Variants in ABHD12 observed in about 807,000 individuals in gnomAD.
The protein encoded by ABHD12 is abhydrolase domain containing 12, lysophospholipase.
ABHD12 carries 43 observed loss-of-function variants against 58.3 expected under a neutral mutation model. The ratio of observed to expected loss-of-function variants is 0.74; its 90% CI spans 0.58 to 0.95. The LOEUF (loss-of-function observed/expected upper bound fraction) is 0.95, where lower values mean the gene tolerates loss of function less well. Ranked by LOEUF, ABHD12 falls within the 40% of genes least tolerant of loss-of-function variation. ABHD12 has a pLI of 0.00. For missense variants in ABHD12, 539 were observed against 537.2 expected (o/e 1.00, Z -0.03); for synonymous variants, 219 against 211.2 (o/e 1.04, Z -0.32).
At position 25,390,835 on chromosome 20, in the gene ABHD12, C is replaced by A; in HGVS notation, c.-132G>T. 1 of 562,858 alleles carries A rather than the reference C, an allele frequency of 1.8e-6. No individual in the cohort carries two copies. Among genetic ancestry groups the A allele is most frequent in the Non-Finnish European group, 2.5e-6 (1 of 401,768 alleles). The allele number at this position is 562,858 out of a possible 1,614,324, so 34.9% of individuals were successfully genotyped here. On this transcript the variant is annotated 5_prime_UTR_variant, in exon 1 of 13. Transcript: ENST00000339157. ...CCTCACATCCCAGCCCAGGCCGCTG[C>A]GCCGGCTACGAACCAGCGGCGGGGG... is the stretch of plus-strand genomic sequence containing the variant.
At chr20:25,358,268 T>C (rs984302774) in intron 1 of ABHD12, among the ~76,000 whole-genome samples, 1 of 152,184 alleles carries the variant, frequency 6.6e-6, no homozygotes, top group Non-Finnish European at 1.5e-5. Flanking sequence ...AAGAAGCCAA[T>C]TGTCCATCAA....
chr20:25,334,455 T>A (rs1220768659), intron 2 of ABHD12, among the ~76,000 whole-genome samples: 62 of 149,412 alleles, frequency 4.1e-4, no homozygotes, highest in Middle Eastern at 3.4e-3. Context: ...AAAAAACTAC[T>A]TTAAAGTTCA....
chr20:25,311,171 C>A (rs559882537), intron 6 of ABHD12, among the ~76,000 whole-genome samples: 1 of 152,298 alleles, frequency 6.6e-6, no homozygotes, highest in East Asian at 1.9e-4. Context: ...CGCGTTGGGT[C>A]ACATGGCTGG....
intron 10 of ABHD12, among the ~76,000 whole-genome samples, chr20:25,304,223 C>T (rs567445718): frequency 4.6e-5 from 7 of 152,372 alleles, no homozygotes; most frequent in Admixed American, 1.3e-4. Context: ...GTGAGGGCAG[C>T]GCTGGTGCAC....
chr20:25,295,135 C>T (rs2088520447), intron 12 of ABHD12: 2 of 1,223,436 alleles, frequency 1.6e-6, no homozygotes, highest in Non-Finnish European at 2.4e-6. Flanking sequence ...ATAAATCTGG[C>T]ATTTTTGTTC....
At chr20:25,381,342 C>T (rs2090019377) in intron 1 of ABHD12, among the ~76,000 whole-genome samples, 1 of 152,154 alleles carries the variant, frequency 6.6e-6, no homozygotes, top group African/African-American at 2.4e-5. Flanking sequence ...TATCTGCCTC[C>T]CCTACCAGAA....
chr20:25,317,510 G>A (rs924536112), intron 4 of ABHD12, among the ~76,000 whole-genome samples: 3 of 152,180 alleles, frequency 2.0e-5, no homozygotes, highest in African/African-American at 7.2e-5. Context: ...TCAGAACTCT[G>A]CTTAGCCACA....
chr20:25,309,964 G>A (rs752048576), intron 6 of ABHD12, among the ~76,000 whole-genome samples: 14 of 152,324 alleles, frequency 9.2e-5, no homozygotes, highest in Non-Finnish European at 1.8e-4. Context: ...GCCAGGGCTG[G>A]GACTTGCCCC....
At position 25,300,616 on chromosome 20, in the gene ABHD12, A is replaced by C. The variant is rs2088617632; in HGVS notation, c.*229T>G. On this transcript the variant is annotated 3_prime_UTR_variant, in exon 13 of 13. Transcript: ENST00000339157. ...GATCTCAGGTTGAGGGGCGGCAAGG[A>C]GAGCCACATGCCTGCCACCCACGCT... 6.9e-7 allele frequency: 1 copy of C among 1,446,054 alleles called. No individual in the cohort carries two copies. The highest frequency in any genetic ancestry group is 9.0e-7 in the Non-Finnish European group (1 of 1,105,924). The allele number at this position is 1,446,054 out of a possible 1,614,324, so 89.6% of individuals were successfully genotyped here. A position where few individuals can be genotyped will look rare whatever the true frequency, so the allele number is the denominator to read the frequency against.
Position 25,314,925 on chromosome 20 carries a change from C to G in ABHD12, c.619G>C (p.Gly207Arg). 1 of 1,614,196 alleles carries G rather than the reference C, an allele frequency of 6.2e-7. No individual in the cohort carries two copies. Among genetic ancestry groups the G allele is most frequent in the Non-Finnish European group, 8.5e-7 (1 of 1,180,032 alleles). Residue 207 changes from glycine (G) to arginine (R), a missense_variant and splice_region_variant, in exon 6 of 13, where the codon GGT (glycine) becomes CGT (arginine). Transcript: ENST00000339157. ...GYHVVTFDYR[G>R]WGDSVGTPSE... ...GATGCTCTTGCAAAAGAAATCTCAC[C>G]TCTGTAGTCAAAGGTGACCACATGG...
intron 5 of ABHD12, among the ~76,000 whole-genome samples, chr20:25,316,723 G>A (rs2088968899): frequency 6.6e-6 from 1 of 152,218 alleles, no homozygotes; most frequent in Admixed American, 6.5e-5. Context: ...AGGCCCAGGA[G>A]TTCGAGACCA....
At chr20:25,355,564 T>C (rs1247797667) in intron 1 of ABHD12, among the ~76,000 whole-genome samples, 1 of 151,980 alleles carries the variant, frequency 6.6e-6, no homozygotes, top group Non-Finnish European at 1.5e-5. Flanking sequence ...TTTTTTTTTG[T>C]TGTTTGTTTG....
chr20:25,360,853 T>C (rs1005117361), intron 1 of ABHD12, among the ~76,000 whole-genome samples: 6 of 152,244 alleles, frequency 3.9e-5, no homozygotes, highest in African/African-American at 1.2e-4. Flanking sequence ...TCTGGGCTTC[T>C]ACCTCACTGA....
chr20:25,386,544 G>A (rs2090093548), intron 1 of ABHD12, among the ~76,000 whole-genome samples: 1 of 151,786 alleles, frequency 6.6e-6, no homozygotes, highest in Non-Finnish European at 1.5e-5. Context: ...ACAGGCGTGA[G>A]CCACCGAGCC....
chr20:25,307,012 C>T (rs2088756711), intron 9 of ABHD12, 97 bp from the exon 10 acceptor site: 13 of 911,200 alleles, frequency 1.4e-5, no homozygotes, highest in African/African-American at 3.3e-5. Context: ...ATCTATAAGG[C>T]GTTGCCCATA....
chr20:25,381,017 T>C (rs1286690100), intron 1 of ABHD12, among the ~76,000 whole-genome samples: 1 of 152,206 alleles, frequency 6.6e-6, no homozygotes, highest in Admixed American at 6.5e-5. Flanking sequence ...CCTCTTCTTA[T>C]CTCCACAGCT....
intron 10 of ABHD12, among the ~76,000 whole-genome samples, chr20:25,304,576 AT>A (rs2088700266): frequency 1.3e-5 from 2 of 151,998 alleles, no homozygotes; most frequent in African/African-American, 4.8e-5. Context: ...GTTTGTTTTT[AT>A]TTTTTATTTT....
At chr20:25,296,871 T>G (rs2088555285), downstream of ABHD12, 7 of 235,064 alleles carry the variant, frequency 3.0e-5, no homozygotes, top group South Asian at 4.5e-4. Context: ...AGCCGATGTC[T>G]TTAGTGTTGA....
At chr20:25,389,101 C>T (rs1447974670) in intron 1 of ABHD12, among the ~76,000 whole-genome samples, 3 of 152,114 alleles carry the variant, frequency 2.0e-5, no homozygotes, top group Admixed American at 6.6e-5. Flanking sequence ...CCACCGCGCC[C>T]GGCAATTTGA....
Sources: gnomAD v4.1 joint callset for allele counts (sites outside exome capture counted in the v4.1 genomes callset) on GRCh38, gnomAD v4.1.1 for gene constraint, MANE v1.5 for transcripts, NCBI Gene and HGNC (gene_info 2026-07-23, HGNC 2026-07-21) for gene names.